The following PLXNA4 variants were observed in gnomAD, a reference collection of about 807,000 sequenced individuals.
PLXNA4 encodes plexin A4.
PLXNA4 carries 44 observed loss-of-function variants against 191.8 expected under a neutral mutation model. The ratio of observed to expected loss-of-function variants is 0.23; its 90% CI spans 0.18 to 0.29. PLXNA4 has a LOEUF of 0.29. Ranked by LOEUF, PLXNA4 falls within the 10% of genes least tolerant of loss-of-function variation. The pLI is 1.00. For synonymous variants in PLXNA4, 1,082 were observed against 1,009.5 expected (o/e 1.07, Z -1.36); for missense variants, 1,800 against 2,488.8 (o/e 0.72, Z 5.89).
chr7:132,312,623 A>G (rs1450948825), intron 3 of PLXNA4, among the ~76,000 whole-genome samples: 2 of 152,224 alleles, frequency 1.3e-5, no homozygotes, highest in Admixed American at 6.5e-5. Flanking sequence ...CAAGAAATTA[A>G]TAATGCAGTG....
intron 2 of PLXNA4, among the ~76,000 whole-genome samples, chr7:132,622,096 A>C (rs1803279327): frequency 6.6e-6 from 1 of 152,076 alleles, no homozygotes; most frequent in Non-Finnish European, 1.5e-5. Flanking sequence ...TAGCCATTGA[A>C]ATGTAAATGG....
chr7:132,145,154 A>G lies in PLXNA4; in HGVS notation c.5190T>C (p.His1730=). ...TCCAGGTATGGCGGACGTGCGGGTCATGAATGCCATGTTTATCAGCCTGCT... is the reference window on the plus strand; with the variant it reads ...TCCAGGTATGGCGGACGTGCGGGTCGTGAATGCCATGTTTATCAGCCTGCT... The part of the protein sequence containing the change: ...LDEQADKHGI[H]DPHVRHTWKS... Residue 1730 remains histidine, a synonymous_variant, in exon 29 of 32, where the codon CAT becomes CAC. Transcript: ENST00000321063. The G allele has an allele frequency of 6.2e-7, 1 of 1,614,152 alleles. No homozygotes were observed. Among genetic ancestry groups the G allele is most frequent in the Non-Finnish European group, 8.5e-7 (1 of 1,180,028 alleles).
chr7:132,148,454 G>A (rs922771266), intron 26 of PLXNA4, 89 bp downstream of exon 26: 6 of 1,553,452 alleles, frequency 3.9e-6, no homozygotes, highest in East Asian at 2.3e-5. Flanking sequence ...TGAGGGGCTT[G>A]GTGTCTACCC....
chr7:132,305,063 C>T (rs1801457505), intron 3 of PLXNA4, among the ~76,000 whole-genome samples: 1 of 152,152 alleles, frequency 6.6e-6, no homozygotes, highest in African/African-American at 2.4e-5. Flanking sequence ...TGGGAGGGGA[C>T]CAACCAGTCA....
At chr7:132,593,345 T>C (rs1802640161) in intron 2 of PLXNA4, among the ~76,000 whole-genome samples, 2 of 152,120 alleles carry the variant, frequency 1.3e-5, no homozygotes, top group African/African-American at 4.8e-5. Context: ...TCATTTGTCA[T>C]CTTTAGGGTC....
At chr7:132,503,623 G>T (rs536995494) in intron 2 of PLXNA4, among the ~76,000 whole-genome samples, 34 of 152,336 alleles carry the variant, frequency 2.2e-4, no homozygotes, top group Admixed American at 1.9e-3. Flanking sequence ...TGCAGACAGG[G>T]GGCCTCAGGG....
intron 15 of PLXNA4, among the ~76,000 whole-genome samples, chr7:132,186,218 C>A (rs1796873957): frequency 6.6e-6 from 1 of 152,186 alleles, no homozygotes; most frequent in Non-Finnish European, 1.5e-5. Context: ...GGCTCCAGTT[C>A]ATGACAGGTG....
chr7:132,231,659 A>C (rs1379656879), intron 5 of PLXNA4, among the ~76,000 whole-genome samples: 3 of 152,164 alleles, frequency 2.0e-5, no homozygotes, highest in Non-Finnish European at 4.4e-5. Context: ...TCCTAAGCTA[A>C]AGCAATCCAC....
At chr7:132,541,476 T>C (rs1055264041) in intron 1 of PLXNA4, among the ~76,000 whole-genome samples, 3 of 152,254 alleles carry the variant, frequency 2.0e-5, no homozygotes, top group African/African-American at 4.8e-5. Context: ...TGGATGCTGA[T>C]GGAAGAGAGA....
intron 2 of PLXNA4, among the ~76,000 whole-genome samples, chr7:132,621,342 C>T (rs1249641458): frequency 2.0e-5 from 3 of 149,816 alleles, no homozygotes; most frequent in Non-Finnish European, 3.0e-5. Flanking sequence ...CTCACTGCAA[C>T]CTCCGCCTCC....
At chr7:132,332,118 T>A (rs1423085693) in intron 3 of PLXNA4, among the ~76,000 whole-genome samples, 1 of 152,190 alleles carries the variant, frequency 6.6e-6, no homozygotes, top group Non-Finnish European at 1.5e-5. Context: ...TCTGAAGCCA[T>A]CTGGAATTCT....
At chr7:132,645,593 T>A (rs1043714116) in intron 2 of PLXNA4, among the ~76,000 whole-genome samples, 4 of 152,198 alleles carry the variant, frequency 2.6e-5, no homozygotes, top group Admixed American at 6.6e-5. Context: ...TGGGAGAGGA[T>A]CTTAGGCAGC....
intron 9 of PLXNA4, among the ~76,000 whole-genome samples, chr7:132,213,457 G>A (rs1489864674): frequency 1.3e-5 from 2 of 152,194 alleles, no homozygotes; most frequent in Non-Finnish European, 2.9e-5. Context: ...AGGGGCCTTG[G>A]TCTTGGCCTT....
intron 3 of PLXNA4, among the ~76,000 whole-genome samples, chr7:132,420,240 C>T (rs1158377656): frequency 2.0e-5 from 3 of 152,210 alleles, no homozygotes; most frequent in African/African-American, 7.2e-5. Context: ...TGAACTGTGT[C>T]CTCCAAGAGG....
At chr7:132,265,209 T>C (rs1799803890) in intron 4 of PLXNA4, among the ~76,000 whole-genome samples, 1 of 152,180 alleles carries the variant, frequency 6.6e-6, no homozygotes, top group Non-Finnish European at 1.5e-5. Context: ...GAGTTTGAAT[T>C]GTGCTTTGGG....
intron 30 of PLXNA4, among the ~76,000 whole-genome samples, chr7:132,135,646 G>T (rs1795089845): frequency 6.6e-6 from 1 of 152,218 alleles, no homozygotes; most frequent in African/African-American, 2.4e-5. Context: ...TTTCTCCAAA[G>T]AGAATATCTA....
chr7:132,634,753 G>A (rs1477044188), intron 2 of PLXNA4, among the ~76,000 whole-genome samples: 8 of 152,178 alleles, frequency 5.3e-5, no homozygotes. Flanking sequence ...TCTGGGACAC[G>A]TGGATGTGCC....
chr7:132,309,824 T>C (rs1312880266), intron 3 of PLXNA4, among the ~76,000 whole-genome samples: 12 of 152,138 alleles, frequency 7.9e-5, no homozygotes, highest in Non-Finnish European at 7.4e-5. Flanking sequence ...GTCCAGGTAC[T>C]AACTCAGAGG....
In PLXNA4 at chr7:132,174,823, C is replaced by G; in HGVS notation, c.3972G>C (p.Val1324=). 1 of 1,614,100 alleles carries G rather than the reference C, an allele frequency of 6.2e-7. No individual in the cohort carries two copies. Among genetic ancestry groups the G allele is most frequent in the Non-Finnish European group, 8.5e-7 (1 of 1,179,938 alleles). Reference sequence around the variant, plus strand: ...GGTGGTCTTCAATTCCTGGGAACAGCACCCGCATGGTGTAAGTTCTATAGT... The same window carrying G: ...GGTGGTCTTCAATTCCTGGGAACAGGACCCGCATGGTGTAAGTTCTATAGT... ...FLDYRTYTMR[V]LFPGIEDHPV... The change falls in exon 21 of 32, where the codon GTG becomes GTC. Residue 1324 remains valine, a synonymous_variant. Coordinates refer to ENST00000321063, the MANE Select transcript of PLXNA4 (RefSeq NM_020911.2).
Sources: gnomAD v4.1 joint callset for allele counts (sites outside exome capture counted in the v4.1 genomes callset) on GRCh38, gnomAD v4.1.1 for gene constraint, MANE v1.5 for transcripts, NCBI Gene and HGNC (gene_info 2026-07-23, HGNC 2026-07-21) for gene names.